Variants in TRIP12 observed in about 807,000 individuals in gnomAD.
TRIP12 encodes the protein thyroid hormone receptor interactor 12, also known as E3 ubiquitin-protein ligase TRIP12.
TRIP12 carries 25 observed loss-of-function variants against 244.2 expected under a neutral mutation model. The ratio of observed to expected loss-of-function variants is 0.10; its 90% CI spans 0.07 to 0.14. The LOEUF is 0.14. Ranked by LOEUF, TRIP12 falls within the 10% of genes least tolerant of loss-of-function variation. The probability of loss-of-function intolerance (pLI) is 1.00; values close to 1 mark genes in which losing one functional copy is unlikely to be tolerated. For missense variants in TRIP12, 1,677 were observed against 2,486.4 expected (o/e 0.67, Z 6.92); for synonymous variants, 905 against 873.1 (o/e 1.04, Z -0.64).
chr2:229,815,552 G>C (rs889424103), intron 9 of TRIP12, among the ~76,000 whole-genome samples: 2 of 152,132 alleles, frequency 1.3e-5, no homozygotes, highest in Non-Finnish European at 2.9e-5. Context: ...TCGTGATACA[G>C]GTCACAAACA....
intron 1 of TRIP12, among the ~76,000 whole-genome samples, chr2:229,885,040 T>C (rs185663308): frequency 1.3e-5 from 2 of 152,330 alleles, no homozygotes; most frequent in African/African-American, 4.8e-5. Context: ...TGACCAGAAA[T>C]ACAACAGTGG....
chr2:229,848,442 T>C (rs2058028721), intron 4 of TRIP12, among the ~76,000 whole-genome samples: 1 of 147,960 alleles, frequency 6.8e-6, no homozygotes, highest in Non-Finnish European at 1.5e-5. Context: ...AACAAGAAAA[T>C]GAAAACAAAA....
chr2:229,871,548 T>C (rs2062607310), intron 2 of TRIP12, among the ~76,000 whole-genome samples: 1 of 152,172 alleles, frequency 6.6e-6, no homozygotes, highest in African/African-American at 2.4e-5. Context: ...ACTCTTGCCA[T>C]GTGGTATGCT....
chr2:229,922,678 G>A (rs568233783), upstream of TRIP12: 1,776 of 1,514,636 alleles, frequency 1.2e-3, 20 homozygotes, highest in South Asian at 0.014. Context: ...CCGGGACGCA[G>A]GCTGTGCTAG....
chr2:229,815,233 C>T, intron 10 of TRIP12, 39 bp from the exon 11 acceptor site: 1 of 1,562,274 alleles, frequency 6.4e-7, no homozygotes, highest in Non-Finnish European at 8.8e-7. Flanking sequence ...AAACTCAAAA[C>T]TTAAATATAC....
chr2:229,922,255 TATCCCTC>T, upstream of TRIP12: 2 of 501,808 alleles, frequency 4.0e-6, no homozygotes, highest in Admixed American at 3.4e-5. Context: ...ATCTACTTGG[TATCCCTC>T]CGCCGGGGTC....
chr2:229,841,413 T>A (rs2056399864), intron 4 of TRIP12, among the ~76,000 whole-genome samples: 1 of 152,156 alleles, frequency 6.6e-6, no homozygotes, highest in East Asian at 1.9e-4. Context: ...GCACTTGGAC[T>A]GAAGGTTATT....
chr2:229,778,317 G>T lies in TRIP12; in HGVS notation c.5364+116C>A. The T allele has an allele frequency of 1.6e-6, 2 of 1,285,598 alleles. No individual in the cohort carries two copies. Among genetic ancestry groups the T allele is most frequent in the Non-Finnish European group, 2.2e-6 (2 of 923,254 alleles). 79.6% of individuals were successfully genotyped at this position (1,285,598 alleles called of 1,614,324 possible). On this transcript the variant is annotated intron_variant, in intron 36 of 41. Coordinates refer to ENST00000675903, the MANE Select transcript of TRIP12 (RefSeq NM_001348323.3). The surrounding 1 kb of genome is among the most constrained non-coding windows in gnomAD (Gnocchi z 4.1). ...CAAAATCCCCAAGTAATTCATATGT[G>T]TATTGAAGTTTGAGAAGCATTGCTC...
At position 229,829,175 on chromosome 2, in the gene TRIP12, A is replaced by G. The variant is rs1326306172; in HGVS notation, c.1450+18T>C. The stretch of plus-strand genomic sequence containing the variant: ...GCTAATTATTGAGGGATTTCAGGGA[A>G]GGAACATTTTTACTTACTAGCTCCA... On this transcript the variant is annotated intron_variant, in intron 8 of 41. Transcript: ENST00000675903. The G allele has an allele frequency of 6.2e-7, 1 of 1,609,626 alleles. No individual in the cohort carries two copies. Among genetic ancestry groups the G allele is most frequent in the Non-Finnish European group, 8.5e-7 (1 of 1,176,504 alleles).
intron 40 of TRIP12, among the ~76,000 whole-genome samples, chr2:229,768,954 T>C (rs974696644): frequency 6.6e-6 from 1 of 152,274 alleles, no homozygotes; most frequent in Non-Finnish European, 1.5e-5. Context: ...ATTTCTGCTT[T>C]ACTATATGTA....
intron 18 of TRIP12, 29 bp downstream of exon 18, chr2:229,805,701 A>G: frequency 1.3e-6 from 2 of 1,531,532 alleles, no homozygotes; most frequent in East Asian, 2.3e-5. Flanking sequence ...ACAATAGTAT[A>G]GTGCTATTTT....
chr2:229,895,533 C>T (rs1000602690), intron 1 of TRIP12, among the ~76,000 whole-genome samples: 1 of 138,210 alleles, frequency 7.2e-6, no homozygotes, highest in Admixed American at 7.5e-5. Flanking sequence ...CCAGACATGT[C>T]CTAAGTCAAA....
chr2:229,876,890 A>T (rs2063695435), intron 2 of TRIP12, among the ~76,000 whole-genome samples: 1 of 151,904 alleles, frequency 6.6e-6, no homozygotes, highest in Non-Finnish European at 1.5e-5. Flanking sequence ...CATGATGTGT[A>T]TTGCTATGTT....
At chr2:229,883,028 G>C (rs1020916017) in intron 1 of TRIP12, among the ~76,000 whole-genome samples, 1 of 152,156 alleles carries the variant, frequency 6.6e-6, no homozygotes, top group Non-Finnish European at 1.5e-5. Context: ...TTAATTTCCT[G>C]AAAGTAAATA....
chr2:229,839,236 A>G (rs1309728403), intron 5 of TRIP12, among the ~76,000 whole-genome samples: 1 of 152,202 alleles, frequency 6.6e-6, no homozygotes, highest in Non-Finnish European at 1.5e-5. Flanking sequence ...CGTGTTTTAC[A>G]GGTTTGTGGC....
chr2:229,907,797 T>A (rs1157590640), intron 1 of TRIP12, among the ~76,000 whole-genome samples: 1 of 152,050 alleles, frequency 6.6e-6, no homozygotes, highest in Non-Finnish European at 1.5e-5. Flanking sequence ...AGAGACCTTA[T>A]CTCTAGAAAA....
intron 4 of TRIP12, among the ~76,000 whole-genome samples, chr2:229,845,508 A>G (rs146895383): frequency 8.5e-5 from 13 of 152,328 alleles, no homozygotes; most frequent in Admixed American, 3.3e-4. Flanking sequence ...TTTGCAGAAA[A>G]TGGTTACTGA....
At chr2:229,787,805 T>C in intron 32 of TRIP12, 144 bp from the exon 33 acceptor site, 2 of 782,530 alleles carry the variant, frequency 2.6e-6, no homozygotes, top group East Asian at 3.1e-5. Context: ...TAGGTCAATT[T>C]ATTTATTTAT....
At chr2:229,795,829 C>T (rs539384332) in intron 25 of TRIP12, among the ~76,000 whole-genome samples, 4 of 152,300 alleles carry the variant, frequency 2.6e-5, no homozygotes, top group South Asian at 2.1e-4. Context: ...AATACTGTCA[C>T]GCTTCTAATG....
Sources: allele counts gnomAD v4.1 joint callset (sites outside exome capture counted in the v4.1 genomes callset), GRCh38; gene constraint gnomAD v4.1.1; non-coding constraint Gnocchi (gnomAD v3.1); transcripts MANE v1.5; gene names NCBI Gene and HGNC (gene_info 2026-07-23, HGNC 2026-07-21).